The following RNF145 variants were observed in gnomAD, a reference collection of about 807,000 sequenced individuals.
RNF145 encodes ring finger protein 145.
RNF145 carries 12 observed loss-of-function variants against 57.3 expected under a neutral mutation model. The observed-to-expected ratio is 0.21, with a 90% CI of 0.13 to 0.34. The LOEUF (loss-of-function observed/expected upper bound fraction) is 0.34. RNF145 is among the 10% of genes least tolerant of loss of function. The pLI is 1.00. For missense variants in RNF145, 429 were observed against 799.0 expected, an observed-to-expected ratio of 0.54 and a Z score of 5.58; for synonymous variants, 262 against 288.3, an observed-to-expected ratio of 0.91 and a Z score of 0.92.
intron 2 of RNF145, among the ~76,000 whole-genome samples, chr5:159,198,448 T>A (rs1016761634): frequency 1.3e-5 from 2 of 152,136 alleles, no homozygotes; most frequent in African/African-American, 4.8e-5. Flanking sequence ...AGAGCCTGGA[T>A]TGTAACAGTA....
chr5:159,187,081 G>GAAC (rs1304649735), intron 3 of RNF145, among the ~76,000 whole-genome samples: 7 of 151,700 alleles, frequency 4.6e-5, no homozygotes, highest in Non-Finnish European at 8.8e-5. Flanking sequence ...AGGAGTTCAA[G>GAAC]AACAGCCTGG....
chr5:159,208,618 AAAC>A (rs1479490122), intron 1 of RNF145, among the ~76,000 whole-genome samples: 3 of 152,072 alleles, frequency 2.0e-5, no homozygotes, highest in Non-Finnish European at 2.9e-5. Context: ...CCGCACCCCC[AAAC>A]AACCTCGCAC....
intron 1 of RNF145, among the ~76,000 whole-genome samples, chr5:159,208,969 C>A (rs549520676): frequency 6.9e-4 from 104 of 150,304 alleles, no homozygotes; most frequent in African/African-American, 2.4e-3. Context: ...TTGCGCGGGG[C>A]CCAGGAGGGG....
rs370584895 is a variant in RNF145, at chr5:159,194,690, T to C, written c.293+26A>G. 14 of 1,347,110 alleles carry C rather than the reference T, an allele frequency of 1.0e-5. No individual in the cohort carries two copies. The African/African-American group carries it at 1.6e-4, about 15-fold the overall frequency. 83.4% of individuals were successfully genotyped at this position (1,347,110 alleles called of 1,614,324 possible). ...AGAAAACTTTAAATTCAATCATACA[T>C]TTCAAAAATGGGGTCATATTCTTAC... On this transcript the variant is annotated intron_variant, in intron 3 of 10. Transcript: ENST00000424310.
At chr5:159,182,676 G>A (rs779093352) in intron 3 of RNF145, among the ~76,000 whole-genome samples, 12 of 151,992 alleles carry the variant, frequency 7.9e-5, no homozygotes, top group Non-Finnish European at 1.8e-4. Context: ...CTCATTTAAC[G>A]TGTGACTACT....
chr5:159,164,162 A>T (rs1584663010), intron 8 of RNF145, among the ~76,000 whole-genome samples: 1 of 152,180 alleles, frequency 6.6e-6, no homozygotes, highest in Non-Finnish European at 1.5e-5. Context: ...TTCAGAGAAG[A>T]AAGTTAATTA....
chr5:159,202,700 G>C (rs1785711914), intron 2 of RNF145, among the ~76,000 whole-genome samples: 1 of 152,000 alleles, frequency 6.6e-6, no homozygotes, highest in Admixed American at 6.6e-5. Context: ...ACCATGTCTG[G>C]AACTCTGCAA....
intron 8 of RNF145, among the ~76,000 whole-genome samples, chr5:159,167,132 T>C (rs1784415471): frequency 6.6e-6 from 1 of 152,190 alleles, no homozygotes; most frequent in African/African-American, 2.4e-5. Context: ...TAAGTGGAAT[T>C]TTTCTCTTAA....
In RNF145 at chr5:159,209,471, G is replaced by C. The variant is rs2113268245; in HGVS notation, c.-280C>G. On this transcript the variant is annotated 5_prime_UTR_variant, in exon 1 of 11. Transcript: ENST00000424310. ...CCATCGTCCGCGGCAGCAGGCGCTCGCGGGCCGAGCCCCTTAGCAGCCGGC... is the reference window on the plus strand; with the variant it reads ...CCATCGTCCGCGGCAGCAGGCGCTCCCGGGCCGAGCCCCTTAGCAGCCGGC... 1.0e-6 allele frequency: 1 copy of C among 979,406 alleles called. No individual in the cohort carries two copies. Among genetic ancestry groups the C allele is most frequent in the Non-Finnish European group, 1.2e-6 (1 of 825,424 alleles). The allele number at this position is 979,406 out of a possible 1,614,324, so 60.7% of individuals were successfully genotyped here.
intron 1 of RNF145, chr5:159,207,429 T>C: frequency 8.1e-7 from 1 of 1,238,472 alleles, no homozygotes; most frequent in Non-Finnish European, 1.1e-6. Flanking sequence ...AGTACAATAC[T>C]TCTACACCTT....
chr5:159,167,566 A>G (rs1397503973), intron 8 of RNF145, among the ~76,000 whole-genome samples: 1 of 152,230 alleles, frequency 6.6e-6, no homozygotes, highest in Non-Finnish European at 1.5e-5. Context: ...ATAACAGATG[A>G]CATTGACAGA....
At position 159,194,482 on chromosome 5, in the gene RNF145, T is replaced by C. The variant is rs74530126; in HGVS notation, c.293+234A>G. Among the ~76,000 whole-genome samples, 833 of 152,344 alleles carry C rather than the reference T, an allele frequency of 5.5e-3. 9 individuals are homozygous for C. The highest frequency in any genetic ancestry group is 0.018 in the South Asian group (88 of 4,824). ...CGCCCAGCCAGTTCAAGGATATCTTTATAAACATAACCTTAAGGCTTGTTT... is the reference window on the plus strand; with the variant it reads ...CGCCCAGCCAGTTCAAGGATATCTTCATAAACATAACCTTAAGGCTTGTTT... On this transcript the variant is annotated intron_variant, in intron 3 of 10. Transcript: ENST00000424310.
upstream of RNF145, chr5:159,209,715 A>T: frequency 9.2e-7 from 1 of 1,089,800 alleles, no homozygotes; most frequent in Non-Finnish European, 1.3e-6. Flanking sequence ...AGCCAAGCCC[A>T]TACAGCCCGG....
intron 3 of RNF145, among the ~76,000 whole-genome samples, chr5:159,189,694 G>A (rs759120746): frequency 5.3e-5 from 8 of 152,136 alleles, no homozygotes; most frequent in Non-Finnish European, 8.8e-5. Flanking sequence ...CAATCCAAGC[G>A]TCCATCAAAA....
chr5:159,183,371 T>C (rs928385023), intron 3 of RNF145, among the ~76,000 whole-genome samples: 6 of 152,146 alleles, frequency 3.9e-5, no homozygotes, highest in African/African-American at 1.2e-4. Context: ...GCACCTAGTG[T>C]GTAAAGGCCA....
Position 159,203,805 on chromosome 5 carries a change from A to G in RNF145, c.-39-149T>C, listed in dbSNP as rs769145925. On this transcript the variant is annotated intron_variant, in intron 1 of 10. Coordinates refer to ENST00000424310, the MANE Select transcript of RNF145 (RefSeq NM_001199383.2). Reference sequence around the variant, plus strand: ...TCTCAGCCACAACTACTATTTTTAGATATTCATAAAATAACCTCTGTATTG... The same window carrying G: ...TCTCAGCCACAACTACTATTTTTAGGTATTCATAAAATAACCTCTGTATTG... 1.5e-5 allele frequency: 9 copies of G among 607,072 alleles called. No individual in the cohort carries two copies. In the African/African-American group the frequency reaches 1.7e-4, roughly 11 times the overall value. The allele number at this position is 607,072 out of a possible 1,614,324, so 37.6% of individuals were successfully genotyped here. A position where few individuals can be genotyped will look rare whatever the true frequency, so the allele number is the denominator to read the frequency against.
rs562469874 is a variant in RNF145, at chr5:159,169,568, C to A, written c.938+111G>T. On this transcript the variant is annotated intron_variant, in intron 7 of 10. Coordinates refer to ENST00000424310, the MANE Select transcript of RNF145 (RefSeq NM_001199383.2). ...AAATGTTGCAACCATTCAAAAAAAA[C>A]CTCTCCAATTCCATTTCTTCTAAAA... 1.4e-3 allele frequency: 1,188 copies of A among 854,196 alleles called. 5 individuals are homozygous for A. The highest frequency in any genetic ancestry group is 1.9e-3 in the Non-Finnish European group (1,123 of 580,936). 52.9% of individuals were successfully genotyped at this position (854,196 alleles called of 1,614,324 possible).
chr5:159,162,664 G>C (rs1298721163), intron 9 of RNF145, among the ~76,000 whole-genome samples: 2 of 151,708 alleles, frequency 1.3e-5, no homozygotes, highest in Non-Finnish European at 2.9e-5. Flanking sequence ...TCGATCTCCT[G>C]ACCTCATGAT....
chr5:159,184,937 C>A (rs1424167424), intron 3 of RNF145, among the ~76,000 whole-genome samples: 1 of 152,106 alleles, frequency 6.6e-6, no homozygotes, highest in Non-Finnish European at 1.5e-5. Context: ...AAATGATCAA[C>A]CTTTAGGCCA....
Sources: allele counts gnomAD v4.1 joint callset (sites outside exome capture counted in the v4.1 genomes callset), GRCh38; gene constraint gnomAD v4.1.1; transcripts MANE v1.5; gene names NCBI Gene and HGNC (gene_info 2026-07-23, HGNC 2026-07-21).